Variants in SERINC5 observed in about 807,000 individuals in gnomAD.
The protein encoded by SERINC5 is serine incorporator 5.
A neutral mutation model predicts 63.1 loss-of-function variants in SERINC5; 41 were observed. That is an observed-to-expected ratio of 0.65 (90% CI 0.51 to 0.84). The LOEUF (loss-of-function observed/expected upper bound fraction) is 0.84. SERINC5 is among the 40% of genes least tolerant of loss of function. The pLI, the probability that SERINC5 is intolerant of heterozygous loss-of-function variation, is 0.00. For missense variants in SERINC5, 523 were observed against 573.0 expected (o/e 0.91, Z 0.89); for synonymous variants, 222 against 215.2 (o/e 1.03, Z -0.28).
intron 5 of SERINC5, among the ~76,000 whole-genome samples, chr5:80,174,368 AAAAT>A (rs1747874092): frequency 1.0e-5 from 1 of 99,250 alleles, no homozygotes; most frequent in African/African-American, 3.5e-5. Context: ...TCCCATCTCA[AAAAT>A]AATAATAATA....
At chr5:80,113,372 C>T (rs1015488054) in intron 12 of SERINC5, among the ~76,000 whole-genome samples, 15 of 152,090 alleles carry the variant, frequency 9.9e-5, no homozygotes, top group African/African-American at 3.1e-4. Context: ...GCTTGACTCT[C>T]GTGTGGCTGA....
At chr5:80,240,828 A>G (rs1561450718) in intron 1 of SERINC5, among the ~76,000 whole-genome samples, 1 of 151,974 alleles carries the variant, frequency 6.6e-6, no homozygotes, top group African/African-American at 2.4e-5. Context: ...GCATGCCACC[A>G]TGCCTGAATA....
intron 2 of SERINC5, among the ~76,000 whole-genome samples, chr5:80,191,965 A>G (rs1208403403): frequency 6.6e-6 from 1 of 152,194 alleles, no homozygotes; most frequent in Non-Finnish European, 1.5e-5. Context: ...AGGGTCTAAC[A>G]CAGGAGTCAG....
intron 11 of SERINC5, among the ~76,000 whole-genome samples, chr5:80,122,212 T>TATATATATATATATATAAATAA (rs777568982): frequency 7.0e-6 from 1 of 142,560 alleles, no homozygotes; most frequent in African/African-American, 2.8e-5. Context: ...TATATATATA[T>TATATATATATATATATAAATAA]AATATGAGTT....
At chr5:80,248,324 C>T (rs1056489464) in intron 1 of SERINC5, among the ~76,000 whole-genome samples, 3 of 152,130 alleles carry the variant, frequency 2.0e-5, no homozygotes, top group African/African-American at 4.8e-5. Flanking sequence ...TGCAATTCTG[C>T]GACAGTGGAT....
chr5:80,169,532 G>T lies in SERINC5; in HGVS notation c.566C>A (p.Ala189Asp). The T allele has an allele frequency of 1.9e-6, 3 of 1,612,604 alleles. No individual in the cohort carries two copies. Among genetic ancestry groups the T allele is most frequent in the Non-Finnish European group, 2.5e-6 (3 of 1,179,270 alleles). ...GGAGGCGTACCACAGCTTGTTACTG[G>T]CTGTGCCTGCTGTCCTGTTTCTCCG... is the stretch of plus-strand genomic sequence containing the variant. ...KWNKNWTAGT[A>D]SNKLWYASLA... The change falls in exon 6 of 12, where the codon GCC (alanine) becomes GAC (aspartate). Residue 189 changes from alanine (A) to aspartate (D), a missense_variant. Transcript: ENST00000507668.
In SERINC5 at chr5:80,124,871, T is replaced by G. The variant is rs894236169; in HGVS notation, c.1239-11246A>C. 2.0e-5 allele frequency among the ~76,000 whole-genome samples: 3 copies of G among 152,120 alleles called. No individual in the cohort carries two copies. In the South Asian group the frequency reaches 6.2e-4, roughly 32 times the overall value. Reference sequence around the variant, plus strand: ...AACTCCCACCCAGGGTGGGGAGTAGTTGCAGGTAGTCTTGTTTATGAACAT... The same window carrying G: ...AACTCCCACCCAGGGTGGGGAGTAGGTGCAGGTAGTCTTGTTTATGAACAT... On this transcript the variant is annotated intron_variant, in intron 11 of 12. Coordinates refer to the SERINC5 transcript ENST00000509193.
chr5:80,198,981 T>C (rs1271185973), intron 2 of SERINC5, among the ~76,000 whole-genome samples: 1 of 152,212 alleles, frequency 6.6e-6, no homozygotes, highest in African/African-American at 2.4e-5. Context: ...AGTCACCCTG[T>C]GCCCACTGCC....
chr5:80,237,219 T>G (rs757001933), intron 1 of SERINC5, among the ~76,000 whole-genome samples: 1 of 152,244 alleles, frequency 6.6e-6, no homozygotes, highest in Non-Finnish European at 1.5e-5. Flanking sequence ...TCACAAAGAC[T>G]GGTGAGTGCT....
intron 11 of SERINC5, among the ~76,000 whole-genome samples, chr5:80,131,589 G>A (rs945532261): frequency 6.6e-6 from 1 of 152,124 alleles, no homozygotes; most frequent in Non-Finnish European, 1.5e-5. Flanking sequence ...CAGTAATGCT[G>A]GAACAGAGTG....
chr5:80,146,928 T>C (rs1220869642), intron 10 of SERINC5, among the ~76,000 whole-genome samples: 1 of 152,186 alleles, frequency 6.6e-6, no homozygotes, highest in Non-Finnish European at 1.5e-5. Context: ...CAAAATAAGG[T>C]GTCAGGACCT....
intron 2 of SERINC5, among the ~76,000 whole-genome samples, chr5:80,191,165 T>C (rs1407570693): frequency 7.7e-6 from 1 of 130,132 alleles, no homozygotes; most frequent in Non-Finnish European, 1.7e-5. Flanking sequence ...AATAAGGAAA[T>C]CCTCTGTTTT....
At chr5:80,163,820 C>T (rs775800701) in intron 7 of SERINC5, among the ~76,000 whole-genome samples, 9 of 152,004 alleles carry the variant, frequency 5.9e-5, no homozygotes, top group African/African-American at 9.7e-5. Context: ...GGGTATTGGT[C>T]TGTAATTTTT....
chr5:80,242,620 T>G (rs1290502814), intron 1 of SERINC5, among the ~76,000 whole-genome samples: 3 of 152,096 alleles, frequency 2.0e-5, no homozygotes. Flanking sequence ...TGTAGTGGCA[T>G]GCGCCTGTAG....
At chr5:80,238,164 T>C (rs1489021166) in intron 1 of SERINC5, among the ~76,000 whole-genome samples, 1 of 149,578 alleles carries the variant, frequency 6.7e-6, no homozygotes, top group East Asian at 2.0e-4. Context: ...GCAACCCTCA[T>C]TCCTCCCCGC....
chr5:80,148,189 C>CTTTTTTTTTTTTTTT lies in SERINC5; in HGVS notation c.1054-920_1054-906dup, dbSNP rs796769914. Among the ~76,000 whole-genome samples the CTTTTTTTTTTTTTTT allele has an allele frequency of 7.1e-4, 73 of 102,316 alleles. 3 individuals carry two copies. Among genetic ancestry groups the CTTTTTTTTTTTTTTT allele is most frequent in the South Asian group, 1.0e-3 (3 of 2,862 alleles). 67.1% of individuals were successfully genotyped at this position (102,316 alleles called of 152,430 possible). A position where few individuals can be genotyped will look rare whatever the true frequency, so the allele number is the denominator to read the frequency against. On this transcript the variant is annotated intron_variant, in intron 9 of 11. Transcript: ENST00000507668. ...TCTGGTACCTTGCGTATTTTTTATT[C>CTTTTTTTTTTTTTTT]TTTTTTTTTTTTTTTTTTGAGATGG...
chr5:80,139,572 G>C lies in SERINC5; in HGVS notation c.*4091C>G. ...AACCTTTCAAAATGACTGCCTCTGT[G>C]AAAGAGTTGTTGAGAAAGAAGAAAA... On this transcript the variant is annotated 3_prime_UTR_variant, in exon 12 of 12. Transcript: ENST00000507668. 7.2e-6 allele frequency: 7 copies of C among 973,198 alleles called. No homozygotes were observed. Among genetic ancestry groups the C allele is most frequent in the Non-Finnish European group, 8.4e-6 (7 of 829,538 alleles). The allele number at this position is 973,198 out of a possible 1,614,324, so 60.3% of individuals were successfully genotyped here. A position where few individuals can be genotyped will look rare whatever the true frequency, so the allele number is the denominator to read the frequency against.
rs565020990 is a variant in SERINC5 at position 80,182,554 on chromosome 5, C to T, written c.196-4490G>A. Reference sequence around the variant, plus strand: ...TTCTATCATCTGACCGCCCCCCCCCCCTCCGCTTTTTTTTAATTGAGACCT... The same window carrying T: ...TTCTATCATCTGACCGCCCCCCCCCTCTCCGCTTTTTTTTAATTGAGACCT... On this transcript the variant is annotated intron_variant, in intron 2 of 11. Coordinates refer to ENST00000507668, the MANE Select transcript of SERINC5 (RefSeq NM_001174072.3). Among the ~76,000 whole-genome samples the T allele has an allele frequency of 3.5e-4, 17 of 48,422 alleles. 1 individual carries two copies. Among genetic ancestry groups the T allele is most frequent in the East Asian group, 6.5e-4 (1 of 1,550 alleles). 31.8% of individuals were successfully genotyped at this position (48,422 alleles called of 152,430 possible). A position where few individuals can be genotyped will look rare whatever the true frequency, so the allele number is the denominator to read the frequency against.
intron 6 of SERINC5, chr5:80,166,942 G>C (rs1747339642): frequency 6.5e-6 from 1 of 154,980 alleles, no homozygotes. Context: ...TCTATGACAG[G>C]GCAAAAAGCT....
Sources: gnomAD v4.1 joint callset for allele counts (sites outside exome capture counted in the v4.1 genomes callset) on GRCh38, gnomAD v4.1.1 for gene constraint, MANE v1.5 for transcripts, NCBI Gene and HGNC (gene_info 2026-07-23, HGNC 2026-07-21) for gene names.